ENPP4: variants seen among roughly 807,000 people sequenced by gnomAD.
ENPP4 encodes bis(5'-adenosyl)-triphosphatase ENPP4.
Under a neutral mutation model 33.4 loss-of-function variants are expected in ENPP4, and 18 were observed. The observed-to-expected ratio is 0.54, with a 90% CI of 0.37 to 0.80. The LOEUF (loss-of-function observed/expected upper bound fraction) is 0.80, where lower values mean the gene tolerates loss of function less well. Ranked by LOEUF, ENPP4 falls within the 30% of genes least tolerant of loss-of-function variation. The probability of loss-of-function intolerance (pLI) is 0.00; values close to 1 mark genes in which losing one functional copy is unlikely to be tolerated. For missense variants in ENPP4, 480 were observed against 541.7 expected, an observed-to-expected ratio of 0.89 and a Z score of 1.13; for synonymous variants, 172 against 189.9, an observed-to-expected ratio of 0.91 and a Z score of 0.78.
chr6:46,138,346 G>A (rs1425667702), intron 1 of ENPP4, among the ~76,000 whole-genome samples: 2 of 151,812 alleles, frequency 1.3e-5, no homozygotes, highest in African/African-American at 4.8e-5. Flanking sequence ...GGTAGGATCA[G>A]CTGCCTGTTT....
chr6:46,142,310 ATATC>A (rs1442065019), intron 3 of ENPP4, among the ~76,000 whole-genome samples: 1 of 86,216 alleles, frequency 1.2e-5, no homozygotes, highest in Admixed American at 1.1e-4. Context: ...TTTCTAATAT[ATATC>A]TATATTATAT....
At chr6:46,136,347 A>C (rs1376832554) in intron 1 of ENPP4, among the ~76,000 whole-genome samples, 1 of 152,028 alleles carries the variant, frequency 6.6e-6, no homozygotes, top group East Asian at 1.9e-4. Context: ...TATTTGTTGA[A>C]TGATTTTTTA....
Position 46,140,344 on chromosome 6 carries a change from G to A in ENPP4, c.761G>A (p.Cys254Tyr). The change falls in exon 2 of 4, where the codon TGC becomes TAC. Residue 254 changes from cysteine (C) to tyrosine (Y), a missense_variant. Cys to Tyr is a radical substitution (Grantham distance 194). Transcript: ENST00000321037. Reference sequence around the variant, plus strand: ...GACAGACTGATAAACCTGGATTCCTGCATCGATCATTCATACTACACTCTT... The same window carrying A: ...GACAGACTGATAAACCTGGATTCCTACATCGATCATTCATACTACACTCTT... ...SQDRLINLDS[C>Y]IDHSYYTLID... 6.2e-7 allele frequency: 1 copy of A among 1,610,476 alleles called. No individual in the cohort carries two copies. Among genetic ancestry groups the A allele is most frequent in the Non-Finnish European group, 8.5e-7 (1 of 1,178,326 alleles).
chr6:46,130,073 G>A lies in ENPP4; in HGVS notation c.-150G>A, dbSNP rs1240165534. The A allele has an allele frequency of 3.3e-5, 5 of 151,178 alleles. No individual in the cohort carries two copies. Among genetic ancestry groups the A allele is most frequent in the Non-Finnish European group, 7.4e-5 (5 of 67,876 alleles). 9.4% of individuals were successfully genotyped at this position (151,178 alleles called of 1,614,324 possible). A position where few individuals can be genotyped will look rare whatever the true frequency, so the allele number is the denominator to read the frequency against. ...GCCTGCCACTGCGCAGGCGCCTCAG[G>A]AAGAGCTCGGCATCGCCCCTCTTCC... On this transcript the variant is annotated 5_prime_UTR_variant, in exon 1 of 4. Coordinates refer to ENST00000321037, the MANE Select transcript of ENPP4 (RefSeq NM_014936.5).
At chr6:46,137,984 A>G (rs1763999854) in intron 1 of ENPP4, among the ~76,000 whole-genome samples, 1 of 151,802 alleles carries the variant, frequency 6.6e-6, no homozygotes, top group South Asian at 2.1e-4. Flanking sequence ...TACACAATAA[A>G]TGACTCCTGA....
chr6:46,133,524 G>A (rs1763933831), intron 1 of ENPP4, among the ~76,000 whole-genome samples: 1 of 152,186 alleles, frequency 6.6e-6, no homozygotes, highest in African/African-American at 2.4e-5. Flanking sequence ...AGTGAGAGTT[G>A]ACTGCATTCC....
Position 46,140,426 on chromosome 6 carries a change from C to T in ENPP4, c.826+17C>T. On this transcript the variant is annotated intron_variant, in intron 2 of 3. Coordinates refer to ENST00000321037, the MANE Select transcript of ENPP4 (RefSeq NM_014936.5). ...CCAAAATAAGTAAGTAAACATTCAA[C>T]TGAGGGATACTATTATTCGAATGGG... 2 of 1,403,076 alleles carry T rather than the reference C, an allele frequency of 1.4e-6. No individual in the cohort carries two copies. The highest frequency in any genetic ancestry group is 9.7e-7 in the Non-Finnish European group (1 of 1,027,472). The allele number at this position is 1,403,076 out of a possible 1,614,324, so 86.9% of individuals were successfully genotyped here. A position where few individuals can be genotyped will look rare whatever the true frequency, so the allele number is the denominator to read the frequency against.
intron 3 of ENPP4, among the ~76,000 whole-genome samples, chr6:46,142,405 ATATAAT>A (rs957324368): frequency 6.2e-5 from 5 of 80,756 alleles, no homozygotes; most frequent in Non-Finnish European, 3.0e-5. Context: ...ATATAATTAC[ATATAAT>A]TATAATATAT....
chr6:46,146,519 A>G lies in ENPP4; in HGVS notation c.*2879A>G, dbSNP rs1378348358. On this transcript the variant is annotated 3_prime_UTR_variant, in exon 4 of 4. Transcript: ENST00000321037. ...TGTTAATTCTTAAAATAGTGTGTAAATAAAATAACATCAGTGTGCTTTAAA... is the reference window on the plus strand; with the variant it reads ...TGTTAATTCTTAAAATAGTGTGTAAGTAAAATAACATCAGTGTGCTTTAAA... The G allele has an allele frequency of 6.6e-6, 1 of 152,372 alleles. No individual in the cohort carries two copies. Among genetic ancestry groups the G allele is most frequent in the African/African-American group, 2.4e-5 (1 of 41,426 alleles). 9.4% of individuals were successfully genotyped at this position (152,372 alleles called of 1,614,324 possible).
intron 1 of ENPP4, among the ~76,000 whole-genome samples, chr6:46,139,065 C>T (rs1764017045): frequency 6.6e-6 from 1 of 151,644 alleles, no homozygotes; most frequent in South Asian, 2.1e-4. Context: ...ATATTTTCAA[C>T]AAGAACTGGC....
Position 46,143,400 on chromosome 6 carries a change from G to T in ENPP4, c.1122G>T (p.Met374Ile), listed in dbSNP as rs777717980. 5.6e-5 allele frequency: 90 copies of T among 1,612,596 alleles called. No individual in the cohort carries two copies. The highest frequency in any genetic ancestry group is 1.2e-5 in the Non-Finnish European group (14 of 1,179,124). Residue 374 changes from methionine to isoleucine, a missense_variant, in exon 4 of 4, where the codon ATG becomes ATT. Met to Ile is a conservative substitution (Grantham distance 10). This residue lies in a region of ENPP4 where 249 missense variants were observed against 251.8 expected (regional missense o/e 0.99). Coordinates refer to ENST00000321037, the MANE Select transcript of ENPP4 (RefSeq NM_014936.5). ...TINIVDIYPM[M>I]CHILGLKPHP... ...ACATTGTGGATATTTATCCAATGAT[G>T]TGCCACATCCTGGGATTAAAACCAC...
chr6:46,135,357 C>T (rs904054839), intron 1 of ENPP4, among the ~76,000 whole-genome samples: 2 of 152,058 alleles, frequency 1.3e-5, no homozygotes, highest in African/African-American at 4.8e-5. Context: ...TTTATTTACT[C>T]ATCCTTCGGG....
In ENPP4 at chr6:46,141,110, CAAAG is replaced by C. The variant is rs765690958; in HGVS notation, c.888_891del (p.Glu297ThrfsTer29). 7 of 1,604,962 alleles carry C rather than the reference CAAAG, an allele frequency of 4.4e-6. No homozygotes were observed. Among genetic ancestry groups the C allele is most frequent in the Non-Finnish European group, 5.1e-6 (6 of 1,173,220 alleles). On this transcript the variant is annotated frameshift_variant, in exon 3 of 4. Transcript: ENST00000321037. LOFTEE classifies it high-confidence loss of function. ...GTAGCCCTCATATGAATGTTTATCTCAAAGAAGACATTCCTAACAGATTTTATTA... is the reference window on the plus strand; with the variant it reads ...GTAGCCCTCATATGAATGTTTATCTCAAGACATTCCTAACAGATTTTATTA...
intron 3 of ENPP4, among the ~76,000 whole-genome samples, 190 bp downstream of exon 3, chr6:46,141,412 G>T (rs1283684073): frequency 6.6e-6 from 1 of 151,608 alleles, no homozygotes; most frequent in African/African-American, 2.4e-5. Context: ...CTTTAAATTA[G>T]AAAGTAAATT....
chr6:46,142,949 T>G (rs1320791335), intron 3 of ENPP4, among the ~76,000 whole-genome samples: 3 of 151,768 alleles, frequency 2.0e-5, no homozygotes, highest in Non-Finnish European at 4.4e-5. Context: ...TAACTGGTAC[T>G]GCTTGCAGTG....
At position 46,140,420 on chromosome 6, in the gene ENPP4, A is replaced by G. The variant is rs1303162980; in HGVS notation, c.826+11A>G. Reference sequence around the variant, plus strand: ...TACTTCCCAAAATAAGTAAGTAAACATTCAACTGAGGGATACTATTATTCG... The same window carrying G: ...TACTTCCCAAAATAAGTAAGTAAACGTTCAACTGAGGGATACTATTATTCG... On this transcript the variant is annotated intron_variant, in intron 2 of 3. Transcript: ENST00000321037. The G allele has an allele frequency of 1.4e-6, 2 of 1,461,776 alleles. No homozygotes were observed. Among genetic ancestry groups the G allele is most frequent in the Non-Finnish European group, 1.9e-6 (2 of 1,075,406 alleles). 90.6% of individuals were successfully genotyped at this position (1,461,776 alleles called of 1,614,324 possible). A position where few individuals can be genotyped will look rare whatever the true frequency, so the allele number is the denominator to read the frequency against.
At position 46,138,307 on chromosome 6, in the gene ENPP4, C is replaced by T. The variant is rs568898880; in HGVS notation, c.-33-1244C>T. ...AGCATCTTCAGCTTCCTTTGTCTTC[C>T]TTCAGTTTCTGGCAGAATCTCAAAT... On this transcript the variant is annotated intron_variant, in intron 1 of 3. Coordinates refer to ENST00000321037, the MANE Select transcript of ENPP4 (RefSeq NM_014936.5). Among the ~76,000 whole-genome samples the T allele has an allele frequency of 2.0e-3, 309 of 151,892 alleles. 2 individuals carry two copies. Among genetic ancestry groups the T allele is most frequent in the Non-Finnish European group, 2.4e-3 (165 of 67,798 alleles).
chr6:46,142,234 G>T (rs192636511), intron 3 of ENPP4, among the ~76,000 whole-genome samples: 177 of 111,330 alleles, frequency 1.6e-3, no homozygotes, highest in African/African-American at 5.7e-3. Context: ...CCTCAGTATG[G>T]ATTTATAGGC....
At chr6:46,135,638 C>T (rs999476686) in intron 1 of ENPP4, among the ~76,000 whole-genome samples, 7 of 151,842 alleles carry the variant, frequency 4.6e-5, no homozygotes, top group East Asian at 1.9e-4. Context: ...TGATGGTATC[C>T]TTTGAGGCAC....
Sources: gnomAD v4.1 joint callset for allele counts (sites outside exome capture counted in the v4.1 genomes callset) on GRCh38, gnomAD v4.1.1 for gene constraint, gnomAD v4.1.1 regional missense constraint, MANE v1.5 for transcripts, NCBI Gene and HGNC (gene_info 2026-07-23, HGNC 2026-07-21) for gene names.